Variants in CNTNAP5 observed in about 807,000 individuals in gnomAD.
CNTNAP5 encodes the protein contactin associated protein family member 5.
CNTNAP5 carries 72 observed loss-of-function variants against 150.2 expected under a neutral mutation model. The observed-to-expected ratio is 0.48, with a 90% CI of 0.40 to 0.58. The LOEUF (loss-of-function observed/expected upper bound fraction) is 0.58. CNTNAP5 is among the 20% of genes least tolerant of loss of function. CNTNAP5 has a pLI of 0.00. For synonymous variants in CNTNAP5, 672 were observed against 619.8 expected (o/e 1.08, Z -1.25); for missense variants, 1,636 against 1,626.2 (o/e 1.01, Z -0.10).
chr2:124,889,276 T>C (rs779406691), intron 21 of CNTNAP5, among the ~76,000 whole-genome samples: 13 of 151,792 alleles, frequency 8.6e-5, no homozygotes, highest in Non-Finnish European at 1.3e-4. Flanking sequence ...ATTTTTGTAT[T>C]TGTAGTAGAG....
chr2:124,865,858 C>T (rs539878075), intron 20 of CNTNAP5, among the ~76,000 whole-genome samples: 12 of 151,480 alleles, frequency 7.9e-5, no homozygotes, highest in African/African-American at 2.2e-4. Flanking sequence ...GCAGGAGAAT[C>T]GCTTAAACCT....
intron 19 of CNTNAP5, among the ~76,000 whole-genome samples, chr2:124,823,352 A>T (rs1682529577): frequency 6.6e-6 from 1 of 152,148 alleles, no homozygotes; most frequent in Non-Finnish European, 1.5e-5. Flanking sequence ...GGATGTCGAG[A>T]TCTCTTTCTA....
chr2:124,318,172 A>G (rs1263881641), intron 3 of CNTNAP5, among the ~76,000 whole-genome samples: 1 of 152,216 alleles, frequency 6.6e-6, no homozygotes, highest in Non-Finnish European at 1.5e-5. Flanking sequence ...GCTTGGCCCC[A>G]AAACTACAGG....
At chr2:124,668,166 C>T (rs905450642) in intron 13 of CNTNAP5, among the ~76,000 whole-genome samples, 9 of 152,166 alleles carry the variant, frequency 5.9e-5, no homozygotes, top group African/African-American at 1.9e-4. Flanking sequence ...TCAATTTATA[C>T]ACAACCATGA....
intron 13 of CNTNAP5, among the ~76,000 whole-genome samples, chr2:124,719,623 C>T (rs1031075133): frequency 1.3e-5 from 2 of 152,152 alleles, no homozygotes; most frequent in Non-Finnish European, 2.9e-5. Flanking sequence ...CCACTGGCTA[C>T]GTAATAGTTT....
intron 3 of CNTNAP5, among the ~76,000 whole-genome samples, chr2:124,301,161 G>A (rs1688560451): frequency 6.6e-6 from 1 of 152,120 alleles, no homozygotes; most frequent in Non-Finnish European, 1.5e-5. Context: ...TGACTCTTTT[G>A]CTTTCATGAT....
chr2:124,445,697 C>G (rs1263524998), intron 5 of CNTNAP5, among the ~76,000 whole-genome samples: 1 of 152,184 alleles, frequency 6.6e-6, no homozygotes, highest in African/African-American at 2.4e-5. Flanking sequence ...GAATGTCACA[C>G]GGTTGAACAG....
At chr2:124,485,530 A>T (rs1206403808) in intron 7 of CNTNAP5, among the ~76,000 whole-genome samples, 1 of 146,798 alleles carries the variant, frequency 6.8e-6, no homozygotes, top group East Asian at 2.2e-4. Context: ...GGAGAATAGC[A>T]TGAACCCGGG....
chr2:124,025,345 G>GA lies in CNTNAP5; in HGVS notation c.-306_-305insA. ...GGCTGTCCACCGAGCTCCGGCGCCT[G>GA]TCGTTCTAATTGGGTTTGGATTTGC... On this transcript the variant is annotated 5_prime_UTR_variant, in exon 1 of 24. Transcript: ENST00000682447. 2.9e-6 allele frequency: 1 copy of GA among 341,084 alleles called. No homozygotes were observed. Among genetic ancestry groups the GA allele is most frequent in the Non-Finnish European group, 5.6e-6 (1 of 179,118 alleles). The allele number at this position is 341,084 out of a possible 1,614,324, so 21.1% of individuals were successfully genotyped here.
intron 10 of CNTNAP5, among the ~76,000 whole-genome samples, chr2:124,543,529 T>G (rs3941391): frequency 0.42 from 63,358 of 151,954 alleles, 13,697 homozygotes; most frequent in East Asian, 0.63. Context: ...ACAAAAAATT[T>G]TCGTGGAAGG....
intron 23 of CNTNAP5, 95 bp downstream of exon 23, chr2:124,911,633 G>A: frequency 1.1e-6 from 1 of 926,908 alleles, no homozygotes; most frequent in Non-Finnish European, 1.7e-6. Flanking sequence ...TGGCCATCCA[G>A]CACTCAGAGC....
At chr2:124,679,733 T>G (rs967765689) in intron 13 of CNTNAP5, among the ~76,000 whole-genome samples, 1 of 151,526 alleles carries the variant, frequency 6.6e-6, no homozygotes, top group Admixed American at 6.7e-5. Context: ...CCTGGCTAAT[T>G]TTTGTAATTT....
chr2:124,355,129 A>G (rs2104706211), intron 3 of CNTNAP5, among the ~76,000 whole-genome samples: 1 of 151,764 alleles, frequency 6.6e-6, no homozygotes, highest in African/African-American at 2.4e-5. Context: ...TGTATAAGAA[A>G]TGAATGATAC....
At chr2:124,448,907 T>C (rs1168528334) in intron 6 of CNTNAP5, among the ~76,000 whole-genome samples, 1 of 152,206 alleles carries the variant, frequency 6.6e-6, no homozygotes, top group Non-Finnish European at 1.5e-5. Context: ...ATCTTACGTT[T>C]GGATACACAG....
intron 21 of CNTNAP5, among the ~76,000 whole-genome samples, chr2:124,879,484 A>G (rs1176697106): frequency 6.6e-6 from 1 of 152,044 alleles, no homozygotes; most frequent in Non-Finnish European, 1.5e-5. Context: ...TTTCTCACGA[A>G]TGTGTGTGGT....
intron 2 of CNTNAP5, among the ~76,000 whole-genome samples, chr2:124,235,273 C>T (rs553522402): frequency 6.6e-6 from 1 of 152,124 alleles, no homozygotes; most frequent in Admixed American, 6.5e-5. Flanking sequence ...TGGCCAAGGA[C>T]AAATCTCTGG....
chr2:124,830,805 T>G (rs1248496889), intron 19 of CNTNAP5, among the ~76,000 whole-genome samples: 1 of 151,948 alleles, frequency 6.6e-6, no homozygotes, highest in East Asian at 1.9e-4. Context: ...GATGAAAAAG[T>G]TGAAAGAGAG....
In CNTNAP5 at chr2:124,713,233, T is replaced by C. The variant is rs1006482826; in HGVS notation, c.2078-33996T>C. Reference sequence around the variant, plus strand: ...TTTCTTTCTCTGTTTCTTTCTTTCTTTCTTTCTTTCTCTTTCTTTCTTTCT... The same window carrying C: ...TTTCTTTCTCTGTTTCTTTCTTTCTCTCTTTCTTTCTCTTTCTTTCTTTCT... On this transcript the variant is annotated intron_variant, in intron 13 of 23. Coordinates refer to ENST00000682447, the MANE Select transcript of CNTNAP5 (RefSeq NM_001367498.1). Among the ~76,000 whole-genome samples the C allele has an allele frequency of 9.1e-3, 441 of 48,600 alleles. 34 individuals carry two copies. The highest frequency in any genetic ancestry group is 0.029 in the African/African-American group (416 of 14,190). The allele number at this position is 48,600 out of a possible 152,430, so 31.9% of individuals were successfully genotyped here.
At chr2:124,788,606 T>TC (rs765010003) in intron 17 of CNTNAP5, among the ~76,000 whole-genome samples, 1 of 147,046 alleles carries the variant, frequency 6.8e-6, no homozygotes, top group Non-Finnish European at 1.5e-5. Context: ...TTTCTTTCTT[T>TC]TTTTTTTTTT....
Sources: gnomAD v4.1 joint callset for allele counts (sites outside exome capture counted in the v4.1 genomes callset) on GRCh38, gnomAD v4.1.1 for gene constraint, MANE v1.5 for transcripts, NCBI Gene and HGNC (gene_info 2026-07-23, HGNC 2026-07-21) for gene names.